The following L3MBTL4 variants were observed in gnomAD, a reference collection of about 807,000 sequenced individuals.
L3MBTL4 encodes the protein lethal(3)malignant brain tumor-like protein 4.
L3MBTL4 carries 70 observed loss-of-function variants against 84.5 expected under a neutral mutation model. The observed-to-expected ratio is 0.83, with a 90% CI of 0.68 to 1.01. The LOEUF (loss-of-function observed/expected upper bound fraction) is 1.01, where lower values mean the gene tolerates loss of function less well. Among genes scored for constraint, L3MBTL4 ranks in the 50% least tolerant of loss-of-function variants. L3MBTL4 has a pLI of 0.00. For synonymous variants in L3MBTL4, 274 were observed against 259.8 expected, an observed-to-expected ratio of 1.05 and a Z score of -0.52; for missense variants, 715 against 754.8, an observed-to-expected ratio of 0.95 and a Z score of 0.62.
At chr18:6,003,959 T>G (rs1335316783) in intron 16 of L3MBTL4, among the ~76,000 whole-genome samples, 1 of 151,712 alleles carries the variant, frequency 6.6e-6, no homozygotes, top group African/African-American at 2.4e-5. Context: ...ACTTTATACC[T>G]GAAGGACCCA....
chr18:6,329,923 G>A (rs2051937056), intron 1 of L3MBTL4, among the ~76,000 whole-genome samples: 1 of 152,166 alleles, frequency 6.6e-6, no homozygotes, highest in Non-Finnish European at 1.5e-5. Flanking sequence ...AGTATGCATA[G>A]TTTTCTGTGT....
chr18:6,293,988 T>C (rs2049981600), intron 4 of L3MBTL4, among the ~76,000 whole-genome samples: 1 of 152,198 alleles, frequency 6.6e-6, no homozygotes, highest in Non-Finnish European at 1.5e-5. Context: ...GAGTAACTGG[T>C]GAAACTTGAA....
intron 16 of L3MBTL4, among the ~76,000 whole-genome samples, chr18:5,977,815 C>T (rs2053018097): frequency 6.6e-6 from 1 of 152,166 alleles, no homozygotes; most frequent in South Asian, 2.1e-4. Flanking sequence ...GACTCCTTGC[C>T]ACCCTCAGGC....
chr18:6,356,757 T>TGGGA (rs1176464451), intron 1 of L3MBTL4: 1 of 152,248 alleles, frequency 6.6e-6, no homozygotes, highest in Non-Finnish European at 1.5e-5. Flanking sequence ...ATGGGAAGGC[T>TGGGA]GGGACGTTGC....
At chr18:6,100,072 A>G (rs767167941) in intron 14 of L3MBTL4, among the ~76,000 whole-genome samples, 5 of 152,216 alleles carry the variant, frequency 3.3e-5, no homozygotes, top group Non-Finnish European at 5.9e-5. Context: ...GTTGAGAATT[A>G]GAGAAAATTG....
At chr18:6,239,458 C>T (rs548139672) in intron 9 of L3MBTL4, among the ~76,000 whole-genome samples, 29 of 148,910 alleles carry the variant, frequency 1.9e-4, no homozygotes, top group Admixed American at 4.0e-4. Flanking sequence ...ACAAATTAGA[C>T]AAAATACAGC....
In L3MBTL4 at chr18:6,071,716, G is replaced by A. The variant is rs200163327; in HGVS notation, c.1444+9165C>T. Among the ~76,000 whole-genome samples, 196 of 42,456 alleles carry A rather than the reference G, an allele frequency of 4.6e-3. 2 individuals carry two copies. The highest frequency in any genetic ancestry group is 0.015 in the African/African-American group (161 of 10,568). The allele number at this position is 42,456 out of a possible 152,430, so 27.9% of individuals were successfully genotyped here. Reference sequence around the variant, plus strand: ...AAGAAAGAAAGAAAGAAAGAAAGAAGGAAAGAAAGAAGGAAAGAAAGAAGG... The same window carrying A: ...AAGAAAGAAAGAAAGAAAGAAAGAAAGAAAGAAAGAAGGAAAGAAAGAAGG... On this transcript the variant is annotated intron_variant, in intron 16 of 18. Coordinates refer to ENST00000317931, the MANE Select transcript of L3MBTL4 (RefSeq NM_001330559.2).
At chr18:6,097,996 T>G (rs377556787) in intron 14 of L3MBTL4, among the ~76,000 whole-genome samples, 22 of 152,298 alleles carry the variant, frequency 1.4e-4, no homozygotes, top group African/African-American at 5.1e-4. Context: ...GATCCCTCCC[T>G]TCCTCTTGAA....
Position 6,026,085 on chromosome 18 carries a change from C to T in L3MBTL4, c.1444+54796G>A, listed in dbSNP as rs182594269. On this transcript the variant is annotated intron_variant, in intron 16 of 18. Coordinates refer to ENST00000317931, the MANE Select transcript of L3MBTL4 (RefSeq NM_001330559.2). ...GTAAATTGGCAGATTCATCATGATA[C>T]GACTGACTTCTCTCATGTGTCTTTT... is the stretch of plus-strand genomic sequence containing the variant. Among the ~76,000 whole-genome samples, 582 of 152,298 alleles carry T rather than the reference C, an allele frequency of 3.8e-3. 6 individuals are homozygous for T. The highest frequency in any genetic ancestry group is 0.014 in the African/African-American group (567 of 41,566).
chr18:6,296,565 T>C (rs1264629342), intron 4 of L3MBTL4, among the ~76,000 whole-genome samples: 1 of 152,196 alleles, frequency 6.6e-6, no homozygotes, highest in Non-Finnish European at 1.5e-5. Flanking sequence ...AGAAAGCCCC[T>C]CCAGGCAGAG....
chr18:6,186,852 G>A (rs1415325213), intron 12 of L3MBTL4, among the ~76,000 whole-genome samples: 1 of 152,210 alleles, frequency 6.6e-6, no homozygotes, highest in East Asian at 1.9e-4. Context: ...GGGGCTGTGA[G>A]GGGTGGCTTG....
At chr18:6,163,002 A>G (rs1167439997) in intron 13 of L3MBTL4, among the ~76,000 whole-genome samples, 3 of 152,122 alleles carry the variant, frequency 2.0e-5, no homozygotes, top group Non-Finnish European at 4.4e-5. Flanking sequence ...TCCATGCCAA[A>G]GAAGAGTTTT....
rs200113508 is a variant in L3MBTL4, at chr18:6,093,486, C to T, written c.1242G>A (p.Glu414=). The change falls in exon 15 of 19, where the codon GAG becomes GAA. Residue 414 remains glutamate, a synonymous_variant. Transcript: ENST00000317931. ...CTCTCAAACGATCGTGAAGTGTTGC[C>T]TCCTTTTTCAAGTTCATGTCTGAAT... ...CPYSDMNLKK[E]ATLHDRLREQ... The T allele has an allele frequency of 6.2e-7, 1 of 1,613,658 alleles. No individual in the cohort carries two copies. Among genetic ancestry groups the T allele is most frequent in the East Asian group, 2.2e-5 (1 of 44,840 alleles).
intron 16 of L3MBTL4, among the ~76,000 whole-genome samples, chr18:6,065,339 C>T (rs778576755): frequency 2.6e-5 from 4 of 151,642 alleles, no homozygotes; most frequent in South Asian, 2.1e-4. Context: ...TTCCTGGTTT[C>T]GGTATTAGGG....
At chr18:6,402,464 A>G (rs1187356647) in intron 1 of L3MBTL4, among the ~76,000 whole-genome samples, 1 of 152,204 alleles carries the variant, frequency 6.6e-6, no homozygotes, top group Non-Finnish European at 1.5e-5. Flanking sequence ...CAAATATTAT[A>G]TAACATCCAT....
intron 16 of L3MBTL4, among the ~76,000 whole-genome samples, chr18:6,014,349 G>T (rs2054866848): frequency 6.6e-6 from 1 of 152,148 alleles, no homozygotes; most frequent in Non-Finnish European, 1.5e-5. Context: ...TCAGTAAACA[G>T]ATCATCCATC....
At chr18:6,318,373 A>G (rs564384255) in intron 1 of L3MBTL4, among the ~76,000 whole-genome samples, 5 of 152,016 alleles carry the variant, frequency 3.3e-5, no homozygotes, top group African/African-American at 7.2e-5. Flanking sequence ...CTTAATATGT[A>G]AAGATTCATA....
chr18:5,994,824 G>A (rs486176), intron 16 of L3MBTL4, among the ~76,000 whole-genome samples: 5,390 of 152,192 alleles, frequency 0.035, 332 homozygotes, highest in African/African-American at 0.12. Flanking sequence ...TCTGCTCTCA[G>A]GAATACCCTT....
intron 14 of L3MBTL4, among the ~76,000 whole-genome samples, chr18:6,118,246 C>A (rs576295221): frequency 2.7e-5 from 4 of 149,916 alleles, no homozygotes; most frequent in African/African-American, 1.0e-4. Context: ...TGCTCTGTGT[C>A]AGCTACTCCC....
Sources: gnomAD v4.1 joint callset for allele counts (sites outside exome capture counted in the v4.1 genomes callset) on GRCh38, gnomAD v4.1.1 for gene constraint, MANE v1.5 for transcripts, NCBI Gene and HGNC (gene_info 2026-07-23, HGNC 2026-07-21) for gene names.